The following RFX7 variants were observed in gnomAD, a reference collection of about 807,000 sequenced individuals.
RFX7 encodes the protein DNA-binding protein RFX7.
Under a neutral mutation model 111.8 loss-of-function variants are expected in RFX7, and 26 were observed. That is an observed-to-expected ratio of 0.23 (90% CI 0.17 to 0.32). RFX7 has a LOEUF of 0.32. Ranked by LOEUF, RFX7 falls within the 10% of genes least tolerant of loss-of-function variation. The pLI, the probability that RFX7 is intolerant of heterozygous loss-of-function variation, is 1.00. For synonymous variants in RFX7, 624 were observed against 624.4 expected (o/e 1.00, Z 0.01); for missense variants, 1,573 against 1,772.9 (o/e 0.89, Z 2.02).
At chr15:56,165,888 T>C (rs1384305198) in intron 3 of RFX7, among the ~76,000 whole-genome samples, 2 of 152,116 alleles carry the variant, frequency 1.3e-5, no homozygotes, top group African/African-American at 2.4e-5. Context: ...TTATCCCTGG[T>C]TTTAAGCCTT....
intron 2 of RFX7, among the ~76,000 whole-genome samples, chr15:56,195,312 A>T (rs1390787337): frequency 6.6e-6 from 1 of 152,090 alleles, no homozygotes; most frequent in Non-Finnish European, 1.5e-5. Context: ...AATGTTCTTG[A>T]ACTAGATAGA....
chr15:56,212,385 C>T (rs1301054688), intron 2 of RFX7, among the ~76,000 whole-genome samples: 1 of 152,048 alleles, frequency 6.6e-6, no homozygotes, highest in Non-Finnish European at 1.5e-5. Flanking sequence ...GCACAGAGGA[C>T]TTTTAGGGTA....
chr15:56,235,935 C>G (rs1044492371), intron 2 of RFX7, among the ~76,000 whole-genome samples: 3 of 152,062 alleles, frequency 2.0e-5, no homozygotes, highest in Non-Finnish European at 4.4e-5. Context: ...TGGACTCATG[C>G]CTCCCAAAAA....
chr15:56,211,586 A>G (rs1354270869), intron 2 of RFX7, among the ~76,000 whole-genome samples: 1 of 152,144 alleles, frequency 6.6e-6, no homozygotes, highest in Admixed American at 6.6e-5. Context: ...GTTTTGCAGA[A>G]GACACTGCCA....
chr15:56,114,636 A>G (rs902467566), intron 5 of RFX7, among the ~76,000 whole-genome samples: 2 of 152,064 alleles, frequency 1.3e-5, no homozygotes, highest in African/African-American at 4.8e-5. Flanking sequence ...TGGTAACTAC[A>G]CAATGAACAA....
rs375351223 is a variant in RFX7 at position 56,145,199 on chromosome 15, G to C, written c.196-716C>G. ...CCTTCCTACCTTTCTTCTAAACTCAGTTTGCCATAATGGCTCCAAATGTGC... is the reference window on the plus strand; with the variant it reads ...CCTTCCTACCTTTCTTCTAAACTCACTTTGCCATAATGGCTCCAAATGTGC... On this transcript the variant is annotated intron_variant, in intron 3 of 9. Transcript: ENST00000559447. 4.6e-5 allele frequency among the ~76,000 whole-genome samples: 7 copies of C among 152,170 alleles called. No homozygotes were observed. In the East Asian group the frequency reaches 1.4e-3, roughly 29 times the overall value.
chr15:56,209,919 A>C (rs1351508234), intron 2 of RFX7, among the ~76,000 whole-genome samples: 1 of 152,110 alleles, frequency 6.6e-6, no homozygotes, highest in East Asian at 1.9e-4. Context: ...ACAAAAATAA[A>C]AACAAAGAAC....
At chr15:56,152,323 T>C (rs1370466709) in intron 3 of RFX7, among the ~76,000 whole-genome samples, 1 of 151,950 alleles carries the variant, frequency 6.6e-6, no homozygotes, top group Non-Finnish European at 1.5e-5. Context: ...CCTCAGCAAA[T>C]GCAAAAGAAG....
intron 2 of RFX7, among the ~76,000 whole-genome samples, chr15:56,186,390 C>A (rs1292888404): frequency 1.3e-5 from 2 of 152,152 alleles, no homozygotes; most frequent in Non-Finnish European, 2.9e-5. Flanking sequence ...TTAGTTCCTG[C>A]TTACGACCTT....
At chr15:56,133,317 A>G (rs1367616785) in intron 5 of RFX7, among the ~76,000 whole-genome samples, 2 of 152,088 alleles carry the variant, frequency 1.3e-5, no homozygotes, top group African/African-American at 4.8e-5. Context: ...CAGTTAAAAG[A>G]AGCCAGTCTT....
intron 2 of RFX7, among the ~76,000 whole-genome samples, chr15:56,206,077 C>T (rs2043247796): frequency 6.6e-6 from 1 of 152,120 alleles, no homozygotes; most frequent in Admixed American, 6.5e-5. Context: ...AGCAGTTCCA[C>T]TTCTGAGTAT....
intron 2 of RFX7, among the ~76,000 whole-genome samples, chr15:56,194,107 C>T (rs2043125316): frequency 6.6e-6 from 1 of 152,004 alleles, no homozygotes; most frequent in Non-Finnish European, 1.5e-5. Flanking sequence ...AGAAACTTTC[C>T]CCAGTTTCAA....
At chr15:56,237,944 C>G (rs542594842) in intron 2 of RFX7, among the ~76,000 whole-genome samples, 115 of 152,264 alleles carry the variant, frequency 7.6e-4, no homozygotes, top group Non-Finnish European at 2.1e-4. Context: ...AGGCTAAACT[C>G]AGGGTAGGTA....
chr15:56,181,329 A>G (rs1427310107), intron 2 of RFX7, among the ~76,000 whole-genome samples: 2 of 152,228 alleles, frequency 1.3e-5, no homozygotes, highest in African/African-American at 4.8e-5. Context: ...TATCTTCAAC[A>G]GACAGTTCTT....
intron 3 of RFX7, among the ~76,000 whole-genome samples, chr15:56,149,692 G>A (rs1240379480): frequency 6.6e-6 from 1 of 152,096 alleles, no homozygotes; most frequent in African/African-American, 2.4e-5. Context: ...CATGGTCTTC[G>A]TAACCCACAA....
chr15:56,109,979 CTG>C (rs1458377966), intron 5 of RFX7, among the ~76,000 whole-genome samples: 1 of 142,532 alleles, frequency 7.0e-6, no homozygotes, highest in East Asian at 2.2e-4. Context: ...GATCAGCCCC[CTG>C]CCCGGCCAGC....
At chr15:56,169,582 T>C (rs1382427963) in intron 3 of RFX7, among the ~76,000 whole-genome samples, 1 of 152,064 alleles carries the variant, frequency 6.6e-6, no homozygotes, top group African/African-American at 2.4e-5. Context: ...TATACCCACC[T>C]AAGTTAGGTT....
At chr15:56,210,031 C>T (rs1405820506) in intron 2 of RFX7, among the ~76,000 whole-genome samples, 2 of 151,970 alleles carry the variant, frequency 1.3e-5, no homozygotes, top group African/African-American at 4.8e-5. Flanking sequence ...TTGAAAGACA[C>T]CACTGTCAGA....
Position 56,087,509 on chromosome 15 carries a change from A to C in RFX7, c.*5836T>G. 1 of 456,716 alleles carries C rather than the reference A, an allele frequency of 2.2e-6. No individual in the cohort carries two copies. The highest frequency in any genetic ancestry group is 4.4e-6 in the Non-Finnish European group (1 of 226,974). 28.3% of individuals were successfully genotyped at this position (456,716 alleles called of 1,614,324 possible). A position where few individuals can be genotyped will look rare whatever the true frequency, so the allele number is the denominator to read the frequency against. Reference sequence around the variant, plus strand: ...GCCAGCAGAGAGGAAGGACAAGAACACTGCAAAGAAGTAGCACCCAAACCT... The same window carrying C: ...GCCAGCAGAGAGGAAGGACAAGAACCCTGCAAAGAAGTAGCACCCAAACCT... On this transcript the variant is annotated 3_prime_UTR_variant, in exon 10 of 10. Coordinates refer to ENST00000559447, the MANE Select transcript of RFX7 (RefSeq NM_022841.7).
Sources: gnomAD v4.1 joint callset for allele counts (sites outside exome capture counted in the v4.1 genomes callset) on GRCh38, gnomAD v4.1.1 for gene constraint, MANE v1.5 for transcripts, NCBI Gene and HGNC (gene_info 2026-07-23, HGNC 2026-07-21) for gene names.